FMN1: variants seen among roughly 807,000 people sequenced by gnomAD.
The protein encoded by FMN1 is formin 1, also known as formin-1.
Under a neutral mutation model 132.4 loss-of-function variants are expected in FMN1, and 110 were observed. The ratio of observed to expected loss-of-function variants is 0.83; its 90% CI spans 0.71 to 0.97. The LOEUF (loss-of-function observed/expected upper bound fraction) is 0.97, where lower values mean the gene tolerates loss of function less well. FMN1 is among the 50% of genes least tolerant of loss of function. The probability of loss-of-function intolerance (pLI) is 0.00; values close to 1 mark genes in which losing one functional copy is unlikely to be tolerated. For synonymous variants in FMN1, 722 were observed against 651.7 expected (o/e 1.11, Z -1.64); for missense variants, 1,792 against 1,705.3 (o/e 1.05, Z -0.90).
intron 9 of FMN1, among the ~76,000 whole-genome samples, chr15:32,950,989 T>A (rs190302357): frequency 3.4e-5 from 5 of 146,322 alleles, no homozygotes; most frequent in South Asian, 2.3e-4. Flanking sequence ...CTTTTTTTTT[T>A]AAAGTCTTAA....
chr15:33,113,124 A>T (rs924760720), intron 4 of FMN1, among the ~76,000 whole-genome samples: 1 of 152,188 alleles, frequency 6.6e-6, no homozygotes, highest in Non-Finnish European at 1.5e-5. Flanking sequence ...ATGCTGTTTC[A>T]AATATCTGCA....
intron 17 of FMN1, among the ~76,000 whole-genome samples, chr15:32,853,253 A>G (rs770847470): frequency 7.2e-5 from 11 of 152,160 alleles, no homozygotes; most frequent in Admixed American, 1.3e-4. Flanking sequence ...GTCTTACCTA[A>G]AAGTGTTGGG....
At chr15:32,908,815 A>G (rs1175939935) in intron 11 of FMN1, among the ~76,000 whole-genome samples, 1 of 152,092 alleles carries the variant, frequency 6.6e-6, no homozygotes, top group African/African-American at 2.4e-5. Context: ...TGCATGCTCA[A>G]GTTTGAGATT....
chr15:33,029,478 AGGGATGGAG>A (rs2035835282), intron 6 of FMN1, among the ~76,000 whole-genome samples: 2 of 152,054 alleles, frequency 1.3e-5, no homozygotes, highest in African/African-American at 4.8e-5. Context: ...AACACACGCT[AGGGATGGAG>A]GACCTGTTTG....
intron 18 of FMN1, among the ~76,000 whole-genome samples, chr15:32,803,732 A>T (rs1298661489): frequency 1.3e-5 from 2 of 152,180 alleles, no homozygotes; most frequent in Non-Finnish European, 2.9e-5. Flanking sequence ...ATCTAGTTGT[A>T]ATGCCAGGAA....
intron 9 of FMN1, among the ~76,000 whole-genome samples, chr15:32,946,176 A>G (rs1040298023): frequency 2.0e-5 from 3 of 152,172 alleles, no homozygotes; most frequent in Non-Finnish European, 4.4e-5. Context: ...GTCCCAGCAC[A>G]TTTCCCCCGT....
chr15:33,085,196 C>T (rs1364862155), intron 5 of FMN1, among the ~76,000 whole-genome samples: 2 of 152,110 alleles, frequency 1.3e-5, no homozygotes, highest in Non-Finnish European at 2.9e-5. Flanking sequence ...ATGAGATTTG[C>T]ACCCATCACC....
chr15:32,873,232 T>G (rs1180426186), intron 16 of FMN1, among the ~76,000 whole-genome samples: 1 of 152,240 alleles, frequency 6.6e-6, no homozygotes, highest in Non-Finnish European at 1.5e-5. Context: ...TTGTGGCCTA[T>G]AAACAAGGTT....
chr15:33,066,506 C>A, intron 5 of FMN1: 1 of 1,516,926 alleles, frequency 6.6e-7, no homozygotes, highest in South Asian at 1.3e-5. Flanking sequence ...CCCAATTCTA[C>A]ATACACTTTT....
intron 4 of FMN1, among the ~76,000 whole-genome samples, chr15:33,112,830 T>C (rs1251134056): frequency 6.6e-6 from 1 of 152,158 alleles, no homozygotes; most frequent in Non-Finnish European, 1.5e-5. Flanking sequence ...GAAGGGCATT[T>C]GCAGCAGAGT....
intron 6 of FMN1, among the ~76,000 whole-genome samples, chr15:33,014,258 CTT>C (rs1039704722): frequency 6.6e-6 from 1 of 152,346 alleles, no homozygotes; most frequent in Non-Finnish European, 1.5e-5. Context: ...CCAAATGTGT[CTT>C]GTTAGTGGCA....
At chr15:32,948,218 A>G (rs1343031968) in intron 9 of FMN1, among the ~76,000 whole-genome samples, 1 of 152,004 alleles carries the variant, frequency 6.6e-6, no homozygotes, top group Non-Finnish European at 1.5e-5. Flanking sequence ...TTAACATTTT[A>G]ATTATTTATA....
chr15:33,083,155 G>A (rs564464456), intron 5 of FMN1, among the ~76,000 whole-genome samples: 8 of 152,230 alleles, frequency 5.3e-5, no homozygotes, highest in Non-Finnish European at 1.0e-4. Flanking sequence ...TCTTCATCTG[G>A]GTCCTGGACA....
In FMN1 at chr15:33,106,569, ACT is replaced by A. The variant is rs2039496183; in HGVS notation, c.1868-17597_1868-17596del. Among the ~76,000 whole-genome samples the A allele has an allele frequency of 5.3e-5, 8 of 151,896 alleles. 1 individual carries two copies. The Middle Eastern group carries it at 0.024, about 452-fold the overall frequency. On this transcript the variant is annotated intron_variant, in intron 4 of 20. Coordinates refer to ENST00000616417, the MANE Select transcript of FMN1 (RefSeq NM_001277313.2). ...TTCTTGAAGTTCCTTTTCAGAAAACACTCTTTCCATCCAAGTTCTCCTGAGTT... is the reference window on the plus strand; with the variant it reads ...TTCTTGAAGTTCCTTTTCAGAAAACACTTTCCATCCAAGTTCTCCTGAGTT...
chr15:32,804,567 G>C (rs568684884), intron 17 of FMN1, among the ~76,000 whole-genome samples: 215 of 151,054 alleles, frequency 1.4e-3, no homozygotes, highest in African/African-American at 4.5e-3. Flanking sequence ...ACTACGTGCA[G>C]GTTTGTTACA....
chr15:33,120,795 A>G (rs1187924163), intron 4 of FMN1, among the ~76,000 whole-genome samples: 1 of 152,132 alleles, frequency 6.6e-6, no homozygotes, highest in Non-Finnish European at 1.5e-5. Context: ...TTTTAATCCT[A>G]TGAACATTCT....
chr15:33,005,077 A>T (rs1449183243), intron 7 of FMN1, among the ~76,000 whole-genome samples: 1 of 152,166 alleles, frequency 6.6e-6, no homozygotes, highest in Non-Finnish European at 1.5e-5. Context: ...ATTAGGAGAT[A>T]TACCTAATGC....
intron 9 of FMN1, among the ~76,000 whole-genome samples, chr15:32,939,646 C>T (rs2061358040): frequency 6.6e-6 from 1 of 151,962 alleles, no homozygotes. Flanking sequence ...AAGTGAATTT[C>T]AAAAATTCCC....
intron 15 of FMN1, among the ~76,000 whole-genome samples, chr15:32,894,782 T>TA (rs36138638): frequency 0.096 from 13,601 of 141,024 alleles, 1,059 homozygotes; most frequent in African/African-American, 0.21. Flanking sequence ...AGAAGACAGT[T>TA]AAAAAAAAAA....
Sources: gnomAD v4.1 joint callset for allele counts (sites outside exome capture counted in the v4.1 genomes callset) on GRCh38, gnomAD v4.1.1 for gene constraint, MANE v1.5 for transcripts, NCBI Gene and HGNC (gene_info 2026-07-23, HGNC 2026-07-21) for gene names.